Variants in CCDC15 observed in about 807,000 individuals in gnomAD.
CCDC15 encodes coiled-coil domain-containing protein 15.
A neutral mutation model predicts 114.5 loss-of-function variants in CCDC15; 105 were observed. That is an observed-to-expected ratio of 0.92 (90% CI 0.78 to 1.08). CCDC15 has a LOEUF of 1.08. CCDC15 is among the 50% of genes least tolerant of loss of function. CCDC15 has a pLI of 0.00. For missense variants in CCDC15, 1,105 were observed against 1,093.6 expected, an observed-to-expected ratio of 1.01 and a Z score of -0.15; for synonymous variants, 334 against 377.8, an observed-to-expected ratio of 0.88 and a Z score of 1.34.
At chr11:125,026,028 C>G (rs955711263) in intron 13 of CCDC15, among the ~76,000 whole-genome samples, 4 of 152,038 alleles carry the variant, frequency 2.6e-5, no homozygotes, top group Non-Finnish European at 5.9e-5. Context: ...TCTTTTGGAG[C>G]TGTGAGCTAT....
chr11:124,997,940 C>G (rs568323191), intron 11 of CCDC15, among the ~76,000 whole-genome samples: 1 of 152,136 alleles, frequency 6.6e-6, no homozygotes, highest in South Asian at 2.1e-4. Flanking sequence ...AAAACTCTGT[C>G]TCATAAATAA....
In CCDC15 at chr11:125,003,957, G is replaced by A. The variant is rs1196827983; in HGVS notation, c.2305G>A (p.Glu769Lys). Residue 769 changes from glutamate (E) to lysine (K), a missense_variant and splice_region_variant, in exon 12 of 16, where the codon GAG (glutamate) becomes AAG (lysine). Coordinates refer to ENST00000344762, the MANE Select transcript of CCDC15 (RefSeq NM_025004.3). The stretch of plus-strand genomic sequence containing the variant: ...CGTGGATAAAGAAGAAGATAAGAAA[G>A]AGGTATGTAATGATACTGCTTTTGG... ...SDVDKEEDKK[E>K]RQKQYLRHRR... is the part of the protein sequence containing the mutation. The A allele has an allele frequency of 2.7e-6, 4 of 1,504,178 alleles. No individual in the cohort carries two copies. The Admixed American group carries it at 9.5e-5, about 36-fold the overall frequency. 93.2% of individuals were successfully genotyped at this position (1,504,178 alleles called of 1,614,324 possible). A position where few individuals can be genotyped will look rare whatever the true frequency, so the allele number is the denominator to read the frequency against.
At chr11:124,988,157 T>C (rs1013156143) in intron 8 of CCDC15, 23 bp downstream of exon 8, 1 of 1,584,124 alleles carries the variant, frequency 6.3e-7, no homozygotes, top group Non-Finnish European at 8.6e-7. Flanking sequence ...AGAAAGGAGA[T>C]ACAAAAAGAA....
rs145257431 is a variant in CCDC15 at position 124,992,224 on chromosome 11, G to A, written c.2032-356G>A. 5.6e-4 allele frequency among the ~76,000 whole-genome samples: 85 copies of A among 152,234 alleles called. No individual in the cohort carries two copies. In the East Asian group the frequency reaches 6.8e-3, roughly 12 times the overall value. On this transcript the variant is annotated intron_variant, in intron 9 of 15. Transcript: ENST00000344762. ...GTGATTTCTGAGGCTGATGTATCAC[G>A]TTCATATCTTATTCCAGAATCAGTT...
rs763582533 is a variant in CCDC15 at position 125,005,091 on chromosome 11, T to C, written c.2308-18T>C. The C allele has an allele frequency of 2.4e-5, 29 of 1,205,838 alleles. No individual in the cohort carries two copies. Among genetic ancestry groups the C allele is most frequent in the Non-Finnish European group, 3.2e-5 (28 of 862,154 alleles). The allele number at this position is 1,205,838 out of a possible 1,614,324, so 74.7% of individuals were successfully genotyped here. ...CTCTGAAAGCAGAATCTTAGTAATT[T>C]TAACTTCTTACCTTTAGCGTCAAAA... On this transcript the variant is annotated intron_variant, in intron 12 of 15. Transcript: ENST00000344762.
At chr11:124,980,404 CT>C (rs886837969) in intron 6 of CCDC15, among the ~76,000 whole-genome samples, 2 of 152,104 alleles carry the variant, frequency 1.3e-5, no homozygotes, top group African/African-American at 4.8e-5. Context: ...TGGTCCTAGG[CT>C]TTTTCTGGTT....
intron 8 of CCDC15, 146 bp downstream of exon 8, chr11:124,988,280 T>A: frequency 1.1e-6 from 1 of 870,154 alleles, no homozygotes; most frequent in Non-Finnish European, 1.7e-6. Flanking sequence ...TGGAATAAAG[T>A]AAGTCACACA....
chr11:125,021,668 G>C (rs1948661237), intron 13 of CCDC15, among the ~76,000 whole-genome samples: 1 of 151,800 alleles, frequency 6.6e-6, no homozygotes, highest in Non-Finnish European at 1.5e-5. Context: ...TGAGATGTTT[G>C]TGAAGAGAGG....
In CCDC15 at chr11:125,038,658, C is replaced by A. The variant is rs1427242290; in HGVS notation, c.2585+54C>A. On this transcript the variant is annotated intron_variant, in intron 14 of 15. Transcript: ENST00000344762. ...TGGCTCTAGAAGAGACTTGGTAGAA[C>A]TCATTGTTCTCATTTTCCTTAGAAG... 6 of 1,355,188 alleles carry A rather than the reference C, an allele frequency of 4.4e-6. No homozygotes were observed. In the South Asian group the frequency reaches 9.4e-5, roughly 21 times the overall value. The allele number at this position is 1,355,188 out of a possible 1,614,324, so 83.9% of individuals were successfully genotyped here. A position where few individuals can be genotyped will look rare whatever the true frequency, so the allele number is the denominator to read the frequency against.
At chr11:125,004,558 G>T (rs912825371) in intron 12 of CCDC15, among the ~76,000 whole-genome samples, 2 of 151,958 alleles carry the variant, frequency 1.3e-5, no homozygotes, top group African/African-American at 2.4e-5. Flanking sequence ...CGAATAGCTT[G>T]TGTATTTAAA....
chr11:124,988,652 T>C (rs1042318976), intron 8 of CCDC15, among the ~76,000 whole-genome samples: 2 of 152,214 alleles, frequency 1.3e-5, no homozygotes, highest in African/African-American at 4.8e-5. Context: ...AGAACTTCTT[T>C]CAGAATTGGA....
intron 13 of CCDC15, chr11:125,037,541 C>T (rs537549358): frequency 6.6e-6 from 1 of 152,384 alleles, no homozygotes; most frequent in African/African-American, 2.4e-5. Context: ...ACTCTAACTG[C>T]CTTTGTCTCT....
At chr11:124,960,229 C>T (rs1947636433) in intron 4 of CCDC15, among the ~76,000 whole-genome samples, 1 of 148,170 alleles carries the variant, frequency 6.7e-6, no homozygotes, top group Non-Finnish European at 1.5e-5. Flanking sequence ...TGGTAAGATA[C>T]TCTAAAATTA....
chr11:125,037,819 A>C (rs1051917047), intron 13 of CCDC15, among the ~76,000 whole-genome samples: 2 of 152,244 alleles, frequency 1.3e-5, no homozygotes, highest in African/African-American at 4.8e-5. Context: ...TTGGAGGGCA[A>C]ATGCGGTCCC....
chr11:124,990,869 C>T (rs1948256530), intron 8 of CCDC15, among the ~76,000 whole-genome samples: 1 of 152,136 alleles, frequency 6.6e-6, no homozygotes, highest in Non-Finnish European at 1.5e-5. Context: ...GGCCATCCCT[C>T]CACCAGAGAT....
intron 13 of CCDC15, among the ~76,000 whole-genome samples, chr11:125,012,594 G>T (rs903997364): frequency 6.6e-6 from 1 of 152,142 alleles, no homozygotes; most frequent in African/African-American, 2.4e-5. Context: ...GAGAGTTAGA[G>T]AAAATATTAC....
intron 13 of CCDC15, among the ~76,000 whole-genome samples, chr11:125,007,660 C>G (rs773387340): frequency 6.6e-6 from 1 of 152,024 alleles, no homozygotes; most frequent in Non-Finnish European, 1.5e-5. Flanking sequence ...ATCTCCATAC[C>G]GTTTTCCATA....
intron 6 of CCDC15, among the ~76,000 whole-genome samples, chr11:124,985,048 C>CT (rs1948133574): frequency 6.6e-6 from 1 of 152,182 alleles, no homozygotes; most frequent in African/African-American, 2.4e-5. Flanking sequence ...ACTAATCTAC[C>CT]TTTTGTCTGT....
intron 13 of CCDC15, among the ~76,000 whole-genome samples, chr11:125,035,163 C>T (rs1948767407): frequency 6.6e-6 from 1 of 152,108 alleles, no homozygotes; most frequent in African/African-American, 2.4e-5. Context: ...TCTGGCCACG[C>T]TGGCAGTTGA....
Sources: allele counts gnomAD v4.1 joint callset (sites outside exome capture counted in the v4.1 genomes callset), GRCh38; gene constraint gnomAD v4.1.1; transcripts MANE v1.5; gene names NCBI Gene and HGNC (gene_info 2026-07-23, HGNC 2026-07-21).